The following LMNTD1 variants were observed in gnomAD, a reference collection of about 807,000 sequenced individuals.
The protein encoded by LMNTD1 is lamin tail domain containing 1, also known as lamin tail domain-containing protein 1.
LMNTD1 carries 35 observed loss-of-function variants against 50.9 expected under a neutral mutation model. The ratio of observed to expected loss-of-function variants is 0.69; its 90% CI spans 0.53 to 0.91. The LOEUF (loss-of-function observed/expected upper bound fraction) is 0.91. Ranked by LOEUF, LMNTD1 falls within the 40% of genes least tolerant of loss-of-function variation. LMNTD1 has a pLI of 0.00. For synonymous variants in LMNTD1, 153 were observed against 161.9 expected (o/e 0.94, Z 0.42); for missense variants, 470 against 475.5 (o/e 0.99, Z 0.11).
At chr12:25,478,643 G>A (rs948090342) in intron 9 of LMNTD1, among the ~76,000 whole-genome samples, 3 of 152,090 alleles carry the variant, frequency 2.0e-5, no homozygotes, top group Non-Finnish European at 4.4e-5. Flanking sequence ...AAATTAGCCC[G>A]GTGTGTTCGT....
intron 1 of LMNTD1, among the ~76,000 whole-genome samples, chr12:25,574,143 A>G (rs544406216): frequency 8.5e-5 from 13 of 152,190 alleles, no homozygotes; most frequent in African/African-American, 2.9e-4. Context: ...CCAATCTCCA[A>G]ATCATTTGTC....
chr12:25,630,397 A>G (rs1197806204), intron 1 of LMNTD1, among the ~76,000 whole-genome samples: 2 of 152,168 alleles, frequency 1.3e-5, no homozygotes, highest in Non-Finnish European at 2.9e-5. Context: ...CTCCAGGTCA[A>G]CTGCAAGAAC....
At chr12:25,496,865 T>G (rs1238325214) in intron 9 of LMNTD1, among the ~76,000 whole-genome samples, 2 of 152,094 alleles carry the variant, frequency 1.3e-5, no homozygotes, top group Admixed American at 6.5e-5. Flanking sequence ...AATAATAGCT[T>G]TCCATTCTCC....
chr12:25,641,634 T>C (rs1946960831), intron 1 of LMNTD1, among the ~76,000 whole-genome samples: 1 of 152,186 alleles, frequency 6.6e-6, no homozygotes, highest in Non-Finnish European at 1.5e-5. Context: ...AAAAGTAATA[T>C]AATAACTGCT....
At chr12:25,587,037 A>T (rs1253717763) in intron 1 of LMNTD1, among the ~76,000 whole-genome samples, 1 of 152,158 alleles carries the variant, frequency 6.6e-6, no homozygotes, top group East Asian at 1.9e-4. Flanking sequence ...GCTTTTGCCC[A>T]TCCTGTTTCT....
chr12:25,498,927 C>T (rs1939225420), intron 9 of LMNTD1, among the ~76,000 whole-genome samples: 1 of 152,176 alleles, frequency 6.6e-6, no homozygotes, highest in South Asian at 2.1e-4. Context: ...AAATGTAATT[C>T]TGACCGGAAT....
At chr12:25,590,237 G>C (rs1484249787) in intron 1 of LMNTD1, among the ~76,000 whole-genome samples, 1 of 152,202 alleles carries the variant, frequency 6.6e-6, no homozygotes, top group Non-Finnish European at 1.5e-5. Flanking sequence ...GAGTGTTTCA[G>C]TGTGCGTGGG....
At chr12:25,594,608 A>T (rs1945792442) in intron 1 of LMNTD1, among the ~76,000 whole-genome samples, 1 of 146,758 alleles carries the variant, frequency 6.8e-6, no homozygotes, top group Non-Finnish European at 1.5e-5. Context: ...CAAACAGCAC[A>T]TCTTTAAAGC....
intron 1 of LMNTD1, among the ~76,000 whole-genome samples, chr12:25,614,072 TA>T (rs575989353): frequency 0.026 from 3,740 of 144,128 alleles, 92 homozygotes; most frequent in Non-Finnish European, 0.035. Flanking sequence ...TGCTGGTGGG[TA>T]AAAAAAAAAA....
At chr12:25,609,940 GC>G (rs1410663565) in intron 1 of LMNTD1, among the ~76,000 whole-genome samples, 1 of 152,164 alleles carries the variant, frequency 6.6e-6, no homozygotes, top group African/African-American at 2.4e-5. Flanking sequence ...GCTATGCCCA[GC>G]CCCCAGAGGT....
rs1455788990 is a variant in LMNTD1 at position 25,527,711 on chromosome 12, CACACACACAT to C, written c.492-766_492-757del. On this transcript the variant is annotated intron_variant, in intron 4 of 9. Coordinates refer to ENST00000458174, the MANE Select transcript of LMNTD1 (RefSeq NM_001145728.2). ...ACACACACACACACACACACACACA[CACACACACAT>C]ATACACACATATATATACATATATA... 6.5e-4 allele frequency among the ~76,000 whole-genome samples: 81 copies of C among 125,306 alleles called. 1 individual carries two copies. Among genetic ancestry groups the C allele is most frequent in the Admixed American group, 2.2e-3 (27 of 12,162 alleles). 82.2% of individuals were successfully genotyped at this position (125,306 alleles called of 152,430 possible).
intron 4 of LMNTD1, among the ~76,000 whole-genome samples, chr12:25,533,765 G>C (rs1046225960): frequency 6.6e-6 from 1 of 152,166 alleles, no homozygotes; most frequent in Admixed American, 6.5e-5. Context: ...ATGTAAATTT[G>C]TACATCACTA....
intron 1 of LMNTD1, among the ~76,000 whole-genome samples, chr12:25,584,883 G>T (rs984860181): frequency 1.3e-5 from 2 of 152,182 alleles, no homozygotes; most frequent in Non-Finnish European, 2.9e-5. Context: ...GGTCCTAGAG[G>T]TCGTAGATGT....
chr12:25,548,127 C>T (rs932470789), intron 3 of LMNTD1, among the ~76,000 whole-genome samples: 19 of 151,462 alleles, frequency 1.3e-4, no homozygotes, highest in African/African-American at 4.6e-4. Context: ...TCAATGTAAA[C>T]TTAGGAGGTT....
At chr12:25,491,143 A>G (rs1260855565) in intron 9 of LMNTD1, among the ~76,000 whole-genome samples, 1 of 152,248 alleles carries the variant, frequency 6.6e-6, no homozygotes, top group East Asian at 1.9e-4. Flanking sequence ...TGATTACCAC[A>G]TAGGTGCTTG....
intron 1 of LMNTD1, among the ~76,000 whole-genome samples, chr12:25,612,196 A>C (rs900024452): frequency 6.6e-6 from 1 of 152,126 alleles, no homozygotes; most frequent in African/African-American, 2.4e-5. Context: ...AGATTAACTC[A>C]AATGCTTCTT....
intron 1 of LMNTD1, among the ~76,000 whole-genome samples, chr12:25,602,519 T>C (rs1454296695): frequency 6.6e-6 from 1 of 152,020 alleles, no homozygotes; most frequent in Non-Finnish European, 1.5e-5. Context: ...TACCTTTTCT[T>C]GGCAAGTCCA....
In LMNTD1 at chr12:25,569,019, G is replaced by A. The variant is rs898418691; in HGVS notation, c.59-22465C>T. On this transcript the variant is annotated intron_variant, in intron 1 of 7. Coordinates refer to the LMNTD1 transcript ENST00000445693. ...AACTGAAGCACTGCCTGGTGGAGCT[G>A]TGGGAAGGGGGCTGATGCCCTCTAG... 4.6e-5 allele frequency among the ~76,000 whole-genome samples: 7 copies of A among 152,260 alleles called. No individual in the cohort carries two copies. The East Asian group carries it at 9.6e-4, about 21-fold the overall frequency.
chr12:25,645,551 T>C lies in LMNTD1; in HGVS notation c.58+2943A>G, dbSNP rs187972627. Among the ~76,000 whole-genome samples, 59 of 152,338 alleles carry C rather than the reference T, an allele frequency of 3.9e-4. 1 individual carries two copies. The East Asian group carries it at 7.5e-3, about 19-fold the overall frequency. On this transcript the variant is annotated intron_variant, in intron 1 of 7. Coordinates refer to the LMNTD1 transcript ENST00000445693. ...CTCGCTAACATAGAGTAGAATTATGTGTGGCTAAGAAGCAGCCATGTGATT... is the reference window on the plus strand; with the variant it reads ...CTCGCTAACATAGAGTAGAATTATGCGTGGCTAAGAAGCAGCCATGTGATT...
Sources: gnomAD v4.1 joint callset for allele counts (sites outside exome capture counted in the v4.1 genomes callset) on GRCh38, gnomAD v4.1.1 for gene constraint, MANE v1.5 for transcripts, NCBI Gene and HGNC (gene_info 2026-07-23, HGNC 2026-07-21) for gene names.